Variants in SNX11 observed in about 807,000 individuals in gnomAD.
The protein encoded by SNX11 is sorting nexin 11.
In SNX11, 19 loss-of-function variants were observed where a neutral mutation model predicts 30.7. That is an observed-to-expected ratio of 0.62 (90% CI 0.43 to 0.91). SNX11 has a LOEUF of 0.91. Among genes scored for constraint, SNX11 ranks in the 40% least tolerant of loss-of-function variants. SNX11 has a pLI of 0.00. For synonymous variants in SNX11, 112 were observed against 119.0 expected (o/e 0.94, Z 0.38); for missense variants, 302 against 326.7 (o/e 0.92, Z 0.58).
chr17:48,120,293 G>A (rs1415537465), intron 6 of SNX11, among the ~76,000 whole-genome samples: 20 of 129,580 alleles, frequency 1.5e-4, no homozygotes, highest in Non-Finnish European at 2.2e-4. Context: ...TGCAACCTCC[G>A]CCTCCCAGGT....
rs149431643 is a variant in SNX11 at position 48,111,281 on chromosome 17, A to G, written c.-13-750A>G. Among the ~76,000 whole-genome samples the G allele has an allele frequency of 3.7e-4, 57 of 152,268 alleles. No homozygotes were observed. In the East Asian group the frequency reaches 0.011, roughly 28 times the overall value. On this transcript the variant is annotated intron_variant, in intron 1 of 6. Transcript: ENST00000359238. ...TTGTTAGTGAGACTGGGAGAAATGC[A>G]GAAGCATTGGTGTTTGTGGGGACTT...
At chr17:48,112,537 G>A (rs1598330845) in intron 2 of SNX11, 37 bp from the exon 3 acceptor site, 1 of 1,420,638 alleles carries the variant, frequency 7.0e-7, no homozygotes, top group Non-Finnish European at 9.9e-7. Flanking sequence ...CTGCCTTGCT[G>A]TGTAGCTGAA....
At chr17:48,112,133 G>T in intron 2 of SNX11, 48 bp downstream of exon 2, 1 of 1,516,342 alleles carries the variant, frequency 6.6e-7, no homozygotes. Context: ...TTGGAGAGGG[G>T]ATTTAGGAGG....
chr17:48,112,578 T>G lies in SNX11; in HGVS notation c.47T>G (p.Val16Gly). ...GGGAGCTTTTCTTACCTACAGGAGG[T>G]GATTACAGTGCGTGTTCAGGACCCC... ...RMSENQEQEE[V>G]ITVRVQDPRV... The change falls in exon 3 of 7, where the codon GTG (valine) becomes GGG (glycine). Residue 16 changes from valine to glycine, a missense_variant. Val to Gly is a moderately radical substitution (Grantham distance 109). Coordinates refer to ENST00000359238, the MANE Select transcript of SNX11 (RefSeq NM_013323.3). The G allele has an allele frequency of 1.2e-6, 2 of 1,611,208 alleles. No individual in the cohort carries two copies. The highest frequency in any genetic ancestry group is 1.7e-6 in the Non-Finnish European group (2 of 1,177,792).
At chr17:48,112,402 A>G (rs1020575023) in intron 2 of SNX11, 172 bp from the exon 3 acceptor site, 17 of 670,772 alleles carry the variant, frequency 2.5e-5, no homozygotes, top group South Asian at 2.4e-4. Flanking sequence ...GGGGCTCAGT[A>G]AAAATTTGTT....
intron 1 of SNX11, among the ~76,000 whole-genome samples, chr17:48,111,717 A>G (rs947121493): frequency 6.6e-5 from 10 of 151,734 alleles, no homozygotes; most frequent in African/African-American, 2.4e-4. Context: ...CTTCAAGGCA[A>G]AAGTTTTACA....
At chr17:48,111,346 C>T (rs950699304) in intron 1 of SNX11, among the ~76,000 whole-genome samples, 1 of 152,022 alleles carries the variant, frequency 6.6e-6, no homozygotes, top group Non-Finnish European at 1.5e-5. Context: ...CTGTTAGGCT[C>T]GCTTTCAAAG....
chr17:48,109,897 T>C (rs1366244489), intron 1 of SNX11, among the ~76,000 whole-genome samples: 1 of 152,150 alleles, frequency 6.6e-6, no homozygotes, highest in East Asian at 1.9e-4. Context: ...CAGGGCCCTA[T>C]ACAAACTTCC....
intron 2 of SNX11, 69 bp downstream of exon 2, chr17:48,112,154 T>C (rs749401730): frequency 7.5e-7 from 1 of 1,342,132 alleles, no homozygotes; most frequent in Non-Finnish European, 1.1e-6. Flanking sequence ...AAAGAGGACA[T>C]AGAGATGCAA....
intron 4 of SNX11, 66 bp downstream of exon 4, chr17:48,113,467 G>A: frequency 9.6e-7 from 1 of 1,046,384 alleles, no homozygotes; most frequent in Non-Finnish European, 1.5e-6. Flanking sequence ...GTAGGAACTG[G>A]AGTTGACAAT....
chr17:48,117,258 AT>A (rs71141966), intron 4 of SNX11, among the ~76,000 whole-genome samples: 128,010 of 132,122 alleles, frequency 0.97, 61,999 homozygotes, highest in East Asian at 1. Flanking sequence ...TATTTATTTA[AT>A]TTTTTTTTTT....
chr17:48,110,634 G>A (rs1250193660), intron 1 of SNX11: 1 of 152,580 alleles, frequency 6.6e-6, no homozygotes, highest in African/African-American at 2.4e-5. Context: ...AAAATGAGTG[G>A]GTATGTGAAT....
chr17:48,110,950 T>C (rs1470437712), intron 1 of SNX11, among the ~76,000 whole-genome samples: 1 of 152,176 alleles, frequency 6.6e-6, no homozygotes, highest in Non-Finnish European at 1.5e-5. Context: ...GCAGCCTTCA[T>C]GGTCCCCTTG....
intron 4 of SNX11, among the ~76,000 whole-genome samples, chr17:48,115,912 T>C (rs1041796085): frequency 2.9e-5 from 4 of 140,026 alleles, no homozygotes; most frequent in Non-Finnish European, 6.2e-5. Context: ...GCCTGGCCTG[T>C]TTTTTTTTTG....
chr17:48,119,004 C>T lies in SNX11; in HGVS notation c.357C>T (p.Asp119=). The part of the protein sequence containing the change: ...KVLQSVVLLS[D]SQLHLFLQSQ... ...TGCAGAGTGTGGTTCTCCTGTCAGACAGCCAGTTGCACCTATTCCTGCAAA... is the reference window on the plus strand; with the variant it reads ...TGCAGAGTGTGGTTCTCCTGTCAGATAGCCAGTTGCACCTATTCCTGCAAA... Residue 119 remains aspartate, a synonymous_variant, in exon 6 of 7, where the codon GAC becomes GAT. Transcript: ENST00000359238. The T allele has an allele frequency of 6.2e-7, 1 of 1,614,026 alleles. No homozygotes were observed.
At chr17:48,111,966 C>T in intron 1 of SNX11, 65 bp from the exon 2 acceptor site, 1 of 1,359,148 alleles carries the variant, frequency 7.4e-7, no homozygotes, top group Non-Finnish European at 1.0e-6. Context: ...GGGGTTTTCC[C>T]TGGTAAAGAA....
chr17:48,109,265 C>CTTT (rs35219376), intron 1 of SNX11, among the ~76,000 whole-genome samples: 2 of 139,936 alleles, frequency 1.4e-5, no homozygotes, highest in Non-Finnish European at 1.5e-5. Flanking sequence ...CTGAAACTTT[C>CTTT]TTTTTTTTTT....
intron 6 of SNX11, 66 bp from the exon 7 acceptor site, chr17:48,121,169 G>A (rs1183284519): frequency 6.5e-7 from 1 of 1,530,418 alleles, no homozygotes; most frequent in African/African-American, 1.4e-5. Context: ...TTTTTGTAGA[G>A]ACGGAGTCTC....
At chr17:48,108,630 A>G (rs1169556228) in intron 1 of SNX11, among the ~76,000 whole-genome samples, 1 of 152,244 alleles carries the variant, frequency 6.6e-6, no homozygotes, top group East Asian at 1.9e-4. Flanking sequence ...CACCAGAGCT[A>G]CTGGTGCTGG....
Sources: gnomAD v4.1 joint callset for allele counts (sites outside exome capture counted in the v4.1 genomes callset) on GRCh38, gnomAD v4.1.1 for gene constraint, MANE v1.5 for transcripts, NCBI Gene and HGNC (gene_info 2026-07-23, HGNC 2026-07-21) for gene names.